Variants in EBF1 observed in about 807,000 individuals in gnomAD.
EBF1 encodes the protein transcription factor COE1.
In EBF1, 10 loss-of-function variants were observed where a neutral mutation model predicts 68.4. That is an observed-to-expected ratio of 0.15 (90% confidence interval 0.09 to 0.25). The LOEUF is 0.25. Among genes scored for constraint, EBF1 ranks in the 10% least tolerant of loss-of-function variants. The probability of loss-of-function intolerance (pLI) is 1.00; values close to 1 mark genes in which losing one functional copy is unlikely to be tolerated. For missense variants in EBF1, 509 were observed against 794.4 expected, an observed-to-expected ratio of 0.64 and a Z score of 4.32; for synonymous variants, 298 against 299.8, an observed-to-expected ratio of 0.99 and a Z score of 0.06.
intron 10 of EBF1, among the ~76,000 whole-genome samples, chr5:158,742,575 T>C (rs748347327): frequency 3.3e-5 from 5 of 152,178 alleles, no homozygotes; most frequent in Non-Finnish European, 5.9e-5. Context: ...TTCCCCACTC[T>C]CAAGGAACTC....
intron 6 of EBF1, among the ~76,000 whole-genome samples, chr5:159,067,285 T>C (rs1777012656): frequency 6.6e-6 from 1 of 152,190 alleles, no homozygotes; most frequent in South Asian, 2.1e-4. Flanking sequence ...CTTTTCTGTA[T>C]TTTTCCAGAA....
chr5:159,040,771 T>C (rs1004318605), intron 6 of EBF1, among the ~76,000 whole-genome samples: 6 of 152,226 alleles, frequency 3.9e-5, no homozygotes, highest in Non-Finnish European at 8.8e-5. Flanking sequence ...TGCAGGTATA[T>C]CCATTAAAAG....
At chr5:158,889,482 G>A (rs1490433309) in intron 6 of EBF1, among the ~76,000 whole-genome samples, 1 of 151,980 alleles carries the variant, frequency 6.6e-6, no homozygotes, top group Non-Finnish European at 1.5e-5. Context: ...AAAAATTAAG[G>A]AAAAAAACCT....
chr5:158,888,668 T>C (rs545884655), intron 6 of EBF1, among the ~76,000 whole-genome samples: 6 of 152,284 alleles, frequency 3.9e-5, no homozygotes, highest in African/African-American at 1.4e-4. Flanking sequence ...AGGAGAAGTC[T>C]GCAGTGGGAA....
intron 6 of EBF1, among the ~76,000 whole-genome samples, chr5:158,996,343 T>A (rs1432813553): frequency 6.6e-6 from 1 of 152,232 alleles, no homozygotes; most frequent in African/African-American, 2.4e-5. Flanking sequence ...ATGGCTTTGC[T>A]ACAATTTTCT....
At chr5:158,757,657 T>G (rs1270552326) in intron 10 of EBF1, among the ~76,000 whole-genome samples, 1 of 152,168 alleles carries the variant, frequency 6.6e-6, no homozygotes, top group Admixed American at 6.6e-5. Context: ...AGTCCTGCCT[T>G]TGCCACTTTC....
intron 11 of EBF1, among the ~76,000 whole-genome samples, chr5:158,728,396 G>A (rs544022956): frequency 3.3e-5 from 5 of 152,320 alleles, no homozygotes; most frequent in African/African-American, 9.6e-5. Flanking sequence ...AAAGTGACAC[G>A]TGCCTATGCT....
chr5:158,828,638 G>A (rs1161574570), intron 7 of EBF1, among the ~76,000 whole-genome samples: 1 of 152,184 alleles, frequency 6.6e-6, no homozygotes, highest in African/African-American at 2.4e-5. Flanking sequence ...TATTCTGGTT[G>A]TCATATTGTA....
chr5:158,862,541 T>C (rs986351771), intron 6 of EBF1, among the ~76,000 whole-genome samples: 1 of 152,184 alleles, frequency 6.6e-6, no homozygotes, highest in Non-Finnish European at 1.5e-5. Context: ...CGTGCCACTA[T>C]GCTTGTCCCA....
At chr5:158,892,917 T>TATAAGTATA (rs1266728547) in intron 6 of EBF1, among the ~76,000 whole-genome samples, 1 of 152,094 alleles carries the variant, frequency 6.6e-6, no homozygotes, top group African/African-American at 2.4e-5. Flanking sequence ...ATTTTTTTTC[T>TATAAGTATA]AACCCTTACT....
At chr5:158,758,980 A>G (rs1770780438) in intron 10 of EBF1, among the ~76,000 whole-genome samples, 1 of 152,188 alleles carries the variant, frequency 6.6e-6, no homozygotes, top group African/African-American at 2.4e-5. Flanking sequence ...CTGTTTGGCA[A>G]CTACATGTTT....
At chr5:159,097,889 C>A (rs546496600) in intron 1 of EBF1, among the ~76,000 whole-genome samples, 6 of 152,180 alleles carry the variant, frequency 3.9e-5, no homozygotes, top group African/African-American at 1.4e-4. Flanking sequence ...GGGCGCCAGG[C>A]GGCCACTGAC....
intron 6 of EBF1, among the ~76,000 whole-genome samples, chr5:159,051,643 G>C (rs1584276371): frequency 6.6e-6 from 1 of 151,846 alleles, no homozygotes; most frequent in African/African-American, 2.4e-5. Flanking sequence ...TGGATTTATA[G>C]CAAGGAGCCC....
chr5:158,894,112 T>C (rs575461522), intron 6 of EBF1, among the ~76,000 whole-genome samples: 11 of 152,224 alleles, frequency 7.2e-5, no homozygotes, highest in Non-Finnish European at 1.3e-4. Flanking sequence ...GAAAAAAAGG[T>C]CACTAAAATA....
At chr5:158,830,828 T>C (rs1787394514) in intron 7 of EBF1, among the ~76,000 whole-genome samples, 1 of 152,234 alleles carries the variant, frequency 6.6e-6, no homozygotes, top group African/African-American at 2.4e-5. Context: ...TTAAAAATTA[T>C]GGAGGACGCG....
At chr5:158,993,213 A>T (rs1039286303) in intron 6 of EBF1, among the ~76,000 whole-genome samples, 3 of 151,700 alleles carry the variant, frequency 2.0e-5, no homozygotes, top group African/African-American at 4.8e-5. Context: ...CACCCAGCTA[A>T]TTTTTTTGTA....
intron 6 of EBF1, among the ~76,000 whole-genome samples, chr5:158,882,761 C>A (rs563095407): frequency 1.3e-5 from 2 of 152,188 alleles, no homozygotes; most frequent in Non-Finnish European, 2.9e-5. Context: ...TAGGAGGTTT[C>A]GATAGCACAG....
intron 6 of EBF1, among the ~76,000 whole-genome samples, chr5:158,868,170 T>A (rs1796275156): frequency 6.6e-6 from 1 of 152,152 alleles, no homozygotes; most frequent in South Asian, 2.1e-4. Context: ...TGTCATTGAA[T>A]TATCATTAAG....
At chr5:158,971,442 G>A (rs938500488) in intron 6 of EBF1, among the ~76,000 whole-genome samples, 3 of 152,244 alleles carry the variant, frequency 2.0e-5, no homozygotes, top group Admixed American at 1.3e-4. Flanking sequence ...ATAACTTCCC[G>A]GCATCAAGGC....
Sources: allele counts gnomAD v4.1 joint callset (sites outside exome capture counted in the v4.1 genomes callset), GRCh38; gene constraint gnomAD v4.1.1; transcripts MANE v1.5; gene names NCBI Gene and HGNC (gene_info 2026-07-23, HGNC 2026-07-21).